The following TLL1 variants were observed in gnomAD, a reference collection of about 807,000 sequenced individuals.
TLL1 encodes tolloid-like protein 1.
Under a neutral mutation model 128.2 loss-of-function variants are expected in TLL1, and 49 were observed. The observed-to-expected ratio is 0.38, with a 90% CI of 0.30 to 0.48. TLL1 has a LOEUF of 0.48. TLL1 is among the 20% of genes least tolerant of loss of function. The pLI is 0.96. For synonymous variants in TLL1, 454 were observed against 418.8 expected (o/e 1.08, Z -1.03); for missense variants, 1,123 against 1,242.0 (o/e 0.90, Z 1.44).
intron 8 of TLL1, among the ~76,000 whole-genome samples, chr4:166,015,867 TTC>T (rs1737915882): frequency 6.6e-6 from 1 of 151,964 alleles, no homozygotes. Context: ...GTTTTTTTTT[TTC>T]AATTTTACTG....
intron 7 of TLL1, among the ~76,000 whole-genome samples, chr4:166,014,221 T>C (rs897377232): frequency 6.6e-6 from 1 of 151,950 alleles, no homozygotes; most frequent in Non-Finnish European, 1.5e-5. Context: ...AACAAATGAA[T>C]GTCATCATTG....
chr4:166,001,204 C>T (rs899363862), intron 5 of TLL1, among the ~76,000 whole-genome samples: 1 of 152,140 alleles, frequency 6.6e-6, no homozygotes, highest in African/African-American at 2.4e-5. Context: ...TTGGCAATGT[C>T]TGGTGCATCA....
chr4:165,998,147 A>G (rs1736970450), intron 5 of TLL1, among the ~76,000 whole-genome samples: 1 of 152,098 alleles, frequency 6.6e-6, no homozygotes, highest in Non-Finnish European at 1.5e-5. Flanking sequence ...AGTTATTGTC[A>G]TCAGTGGCAT....
intron 18 of TLL1, among the ~76,000 whole-genome samples, chr4:166,082,887 G>C (rs1236498043): frequency 6.6e-6 from 1 of 151,998 alleles, no homozygotes; most frequent in Non-Finnish European, 1.5e-5. Context: ...ATGTTGGCCA[G>C]GCTGGTCTCG....
At position 166,091,317 on chromosome 4, in the gene TLL1, G is replaced by T; in HGVS notation, c.2632G>T (p.Gly878Cys). The T allele has an allele frequency of 6.2e-7, 1 of 1,612,718 alleles. No individual in the cohort carries two copies. The highest frequency in any genetic ancestry group is 1.3e-5 in the African/African-American group (1 of 74,962). The part of the protein sequence containing the change: ...FVSDASVQRK[G>C]FQATHSTECG... ...TTCTGATGCATCTGTTCAAAGAAAA[G>T]GCTTTCAAGCTACACATTCTACAGG... is the stretch of plus-strand genomic sequence containing the variant. Residue 878 changes from glycine to cysteine, a missense_variant, in exon 19 of 21, where the codon GGC becomes TGC. Gly to Cys is a radical substitution (Grantham distance 159, BLOSUM62 -3). Transcript: ENST00000061240.
intron 1 of TLL1, among the ~76,000 whole-genome samples, chr4:165,892,896 T>C (rs73860877): frequency 0.012 from 1,798 of 152,298 alleles, 33 homozygotes; most frequent in African/African-American, 0.04. Context: ...AAAGAAATTA[T>C]TCTGACCTTA....
At chr4:166,062,781 A>G (rs1328849124) in intron 15 of TLL1, among the ~76,000 whole-genome samples, 4 of 152,182 alleles carry the variant, frequency 2.6e-5, no homozygotes, top group Admixed American at 6.6e-5. Context: ...GAGAGAGGGC[A>G]TCCCTGTCTT....
intron 18 of TLL1, among the ~76,000 whole-genome samples, chr4:166,087,257 C>G (rs1034876283): frequency 6.6e-6 from 1 of 151,948 alleles, no homozygotes; most frequent in Non-Finnish European, 1.5e-5. Flanking sequence ...ATATAACATA[C>G]AGTTACAAGT....
intron 1 of TLL1, among the ~76,000 whole-genome samples, chr4:165,970,735 G>A (rs1470235398): frequency 1.3e-5 from 2 of 152,150 alleles, no homozygotes; most frequent in African/African-American, 4.8e-5. Context: ...GGTGCCAACA[G>A]TCATATCTTT....
chr4:166,075,622 A>G lies in TLL1; in HGVS notation c.2314+619A>G, dbSNP rs17590435. Among the ~76,000 whole-genome samples, 1,467 of 152,300 alleles carry G rather than the reference A, an allele frequency of 9.6e-3. 6 individuals carry two copies. Among genetic ancestry groups the G allele is most frequent in the Admixed American group, 0.023 (359 of 15,298 alleles). On this transcript the variant is annotated intron_variant, in intron 17 of 20. Transcript: ENST00000061240. ...AGTAATCCTAATCCCCTTAGCCACT[A>G]TGAACTGGATGAGAACAATAAATAG...
intron 12 of TLL1, among the ~76,000 whole-genome samples, chr4:166,052,965 G>GTGTGTATA: frequency 9.0e-5 from 9 of 99,648 alleles, no homozygotes; most frequent in Admixed American, 2.9e-4. Context: ...GAGGTTATGT[G>GTGTGTATA]TATATATATA....
chr4:165,959,603 T>C (rs1734994653), intron 1 of TLL1, among the ~76,000 whole-genome samples: 1 of 152,054 alleles, frequency 6.6e-6, no homozygotes, highest in South Asian at 2.1e-4. Flanking sequence ...ATAAAACAAG[T>C]CTCAATAAAT....
intron 10 of TLL1, 41 bp downstream of exon 10, chr4:166,039,482 C>T (rs1289829658): frequency 6.7e-7 from 1 of 1,483,400 alleles, no homozygotes; most frequent in Admixed American, 1.7e-5. Flanking sequence ...TGTATCTATT[C>T]TGTCCCGTCC....
intron 12 of TLL1, among the ~76,000 whole-genome samples, chr4:166,047,095 A>G (rs1739489438): frequency 6.6e-6 from 1 of 152,112 alleles, no homozygotes; most frequent in Non-Finnish European, 1.5e-5. Context: ...ATTTTACCTG[A>G]TAAAGTACAG....
chr4:165,887,804 C>A (rs1029619539), intron 1 of TLL1, among the ~76,000 whole-genome samples: 3 of 152,100 alleles, frequency 2.0e-5, no homozygotes, highest in Non-Finnish European at 2.9e-5. Flanking sequence ...TGGTATATAT[C>A]TGTATTTGTT....
At chr4:165,992,942 CAT>C in intron 3 of TLL1, 58 bp downstream of exon 3, 1 of 1,323,386 alleles carries the variant, frequency 7.6e-7, no homozygotes. Flanking sequence ...ATATTATACT[CAT>C]AGCAGTTCAG....
chr4:166,045,618 G>A (rs558064558), intron 12 of TLL1, among the ~76,000 whole-genome samples: 16 of 152,136 alleles, frequency 1.1e-4, no homozygotes, highest in African/African-American at 3.6e-4. Flanking sequence ...TTATGACACT[G>A]CGCTACTGAC....
At chr4:165,945,853 G>A (rs1444169660) in intron 1 of TLL1, among the ~76,000 whole-genome samples, 1 of 152,084 alleles carries the variant, frequency 6.6e-6, no homozygotes, top group Admixed American at 6.6e-5. Context: ...GTACTGCTCT[G>A]AAGGGACTCT....
intron 16 of TLL1, among the ~76,000 whole-genome samples, chr4:166,069,863 A>T (rs557884292): frequency 2.0e-5 from 3 of 151,842 alleles, no homozygotes; most frequent in Non-Finnish European, 4.4e-5. Context: ...AATAATTTAT[A>T]AGCTGCTCTA....
Sources: allele counts gnomAD v4.1 joint callset (sites outside exome capture counted in the v4.1 genomes callset), GRCh38; gene constraint gnomAD v4.1.1; transcripts MANE v1.5; gene names NCBI Gene and HGNC (gene_info 2026-07-23, HGNC 2026-07-21).